The following CACNA1S variants were observed in gnomAD, a reference collection of about 807,000 sequenced individuals.
CACNA1S encodes the protein calcium voltage-gated channel subunit alpha1 S.
CACNA1S carries 126 observed loss-of-function variants against 207.4 expected under a neutral mutation model. That is an observed-to-expected ratio of 0.61 (90% CI 0.53 to 0.70). The LOEUF is 0.70. CACNA1S is among the 30% of genes least tolerant of loss of function. The pLI, the probability that CACNA1S is intolerant of heterozygous loss-of-function variation, is 0.00. For missense variants in CACNA1S, 2,349 were observed against 2,422.8 expected, an observed-to-expected ratio of 0.97 and a Z score of 0.64; for synonymous variants, 960 against 932.7, an observed-to-expected ratio of 1.03 and a Z score of -0.53.
At chr1:201,048,311 C>T (rs984316812) in intron 36 of CACNA1S, among the ~76,000 whole-genome samples, 7 of 152,224 alleles carry the variant, frequency 4.6e-5, no homozygotes, top group Non-Finnish European at 8.8e-5. Flanking sequence ...GCACCCCTGA[C>T]CCCTGTGCCA....
chr1:201,108,266 C>T (rs536742651), intron 2 of CACNA1S, among the ~76,000 whole-genome samples: 1 of 152,196 alleles, frequency 6.6e-6, no homozygotes, highest in South Asian at 2.1e-4. Flanking sequence ...CCACCAGGCC[C>T]CGCTAATTCA....
At chr1:201,086,734 AT>A (rs1450147891) in intron 7 of CACNA1S, among the ~76,000 whole-genome samples, 1 of 152,228 alleles carries the variant, frequency 6.6e-6, no homozygotes, top group Admixed American at 6.5e-5. Context: ...CAAGTAATAC[AT>A]TTGCTTTTTC....
intron 2 of CACNA1S, among the ~76,000 whole-genome samples, chr1:201,096,262 C>T (rs1222265156): frequency 6.6e-6 from 1 of 152,192 alleles, no homozygotes; most frequent in Non-Finnish European, 1.5e-5. Context: ...CCCTGGAGTG[C>T]CTGGAATTAA....
chr1:201,044,690 T>C (rs1047790593), intron 38 of CACNA1S, among the ~76,000 whole-genome samples: 1 of 152,208 alleles, frequency 6.6e-6, no homozygotes, highest in Admixed American at 6.5e-5. Flanking sequence ...CTTGTATTTT[T>C]AGTAGAGATG....
intron 19 of CACNA1S, among the ~76,000 whole-genome samples, chr1:201,068,108 G>T (rs1661311982): frequency 6.6e-6 from 1 of 152,072 alleles, no homozygotes; most frequent in South Asian, 2.1e-4. Flanking sequence ...ATAGGGCAGA[G>T]CTGCCAGGAA....
In CACNA1S at chr1:201,112,254, CG is replaced by C. The variant is rs2102193959; in HGVS notation, c.85del (p.Arg29GlyfsTer6). On this transcript the variant is annotated frameshift_variant, in exon 1 of 44. Transcript: ENST00000362061. LOFTEE classifies it high-confidence loss of function. ...CTCCAGGGTCAGGCAGAACAAGGCC[CG>C]GGGTGGCCTTGGCAGAATCTCAGGA... ...PVPEILPRPP[R>X]ALFCLTLENP... The C allele has an allele frequency of 8.1e-6, 13 of 1,613,972 alleles. No individual in the cohort carries two copies. Among genetic ancestry groups the C allele is most frequent in the South Asian group, 1.1e-5 (1 of 91,072 alleles).
chr1:201,040,727 G>T lies in CACNA1S; in HGVS notation c.5135-14C>A, dbSNP rs762466711. Reference sequence around the variant, plus strand: ...TGCTGTGGGGTCCTGTATGCAAGAAGGGGCAAGGATAAGAGGGGCTGCTGA... The same window carrying T: ...TGCTGTGGGGTCCTGTATGCAAGAATGGGCAAGGATAAGAGGGGCTGCTGA... On this transcript the variant is annotated splice_polypyrimidine_tract_variant and intron_variant, in intron 41 of 43. Coordinates refer to ENST00000362061, the MANE Select transcript of CACNA1S (RefSeq NM_000069.3). The T allele has an allele frequency of 6.2e-7, 1 of 1,609,576 alleles. No homozygotes were observed. Among genetic ancestry groups the T allele is most frequent in the Non-Finnish European group, 8.5e-7 (1 of 1,176,472 alleles).
In CACNA1S at chr1:201,110,336, C is replaced by G. The variant is rs553834741; in HGVS notation, c.153-67G>C. On this transcript the variant is annotated intron_variant, in intron 1 of 43. Coordinates refer to ENST00000362061, the MANE Select transcript of CACNA1S (RefSeq NM_000069.3). ...ACTTACAGGGTTAAGGGGATGAGGG[C>G]GCTGAGGGTCAGTCTGGACTGTGAC... 6 of 1,337,772 alleles carry G rather than the reference C, an allele frequency of 4.5e-6. No homozygotes were observed. In the African/African-American group the frequency reaches 5.8e-5, roughly 13 times the overall value. The allele number at this position is 1,337,772 out of a possible 1,614,324, so 82.9% of individuals were successfully genotyped here.
At chr1:201,042,974 G>A in intron 40 of CACNA1S, 1 of 377,480 alleles carries the variant, frequency 2.6e-6, no homozygotes, top group Non-Finnish European at 5.0e-6. Context: ...TACCACCGAA[G>A]ATCCTCTCCT....
At chr1:201,070,694 C>A (rs1223943229) in intron 16 of CACNA1S, among the ~76,000 whole-genome samples, 1 of 152,140 alleles carries the variant, frequency 6.6e-6, no homozygotes, top group African/African-American at 2.4e-5. Context: ...AAGGCTCGAT[C>A]CACACAGCCT....
rs967320809 is a variant in CACNA1S, at chr1:201,039,659, T to A, written c.*172A>T. ...TGGTGAGGGGCAGGGCCTGTCCAGCTACTTCCTCCGCACTTTTTGAGGTGG... is the reference window on the plus strand; with the variant it reads ...TGGTGAGGGGCAGGGCCTGTCCAGCAACTTCCTCCGCACTTTTTGAGGTGG... On this transcript the variant is annotated 3_prime_UTR_variant, in exon 44 of 44. Transcript: ENST00000362061. 5.2e-6 allele frequency: 4 copies of A among 766,516 alleles called. No homozygotes were observed. The highest frequency in any genetic ancestry group is 5.2e-5 in the African/African-American group (3 of 58,140). The allele number at this position is 766,516 out of a possible 1,614,324, so 47.5% of individuals were successfully genotyped here.
chr1:201,095,829 C>T (rs1183011173), intron 2 of CACNA1S, among the ~76,000 whole-genome samples: 4 of 152,204 alleles, frequency 2.6e-5, no homozygotes, highest in Non-Finnish European at 4.4e-5. Context: ...TTGGCACCCT[C>T]CCTGGCAAGA....
chr1:201,111,373 C>T (rs1387750169), intron 1 of CACNA1S, among the ~76,000 whole-genome samples: 1 of 152,142 alleles, frequency 6.6e-6, no homozygotes, highest in African/African-American at 2.4e-5. Context: ...CCACTTGACA[C>T]AGCCCTCCCC....
intron 18 of CACNA1S, 80 bp from the exon 19 acceptor site, chr1:201,069,276 A>G: frequency 6.8e-7 from 1 of 1,472,150 alleles, no homozygotes; most frequent in Non-Finnish European, 9.5e-7. Context: ...AGCATAAAGC[A>G]GGCAGTCAGA....
At chr1:201,040,158 CCT>C in intron 43 of CACNA1S, 71 bp downstream of exon 43, 1 of 1,611,670 alleles carries the variant, frequency 6.2e-7, no homozygotes, top group Non-Finnish European at 8.5e-7. Flanking sequence ...TTGGCCCTAC[CCT>C]CTCTCCACGC....
intron 22 of CACNA1S, among the ~76,000 whole-genome samples, chr1:201,063,769 C>A: frequency 6.6e-6 from 1 of 152,194 alleles, no homozygotes; most frequent in Non-Finnish European, 1.5e-5. Context: ...CTATCACATG[C>A]CCTTTTTATG....
At chr1:201,111,190 G>A (rs1052045852) in intron 1 of CACNA1S, among the ~76,000 whole-genome samples, 1 of 152,108 alleles carries the variant, frequency 6.6e-6, no homozygotes, top group Non-Finnish European at 1.5e-5. Context: ...CCGAGAGCGG[G>A]TCAGGGGAAC....
rs1047316445 is a variant in CACNA1S, at chr1:201,065,344, C to T, written c.2853+494G>A. On this transcript the variant is annotated intron_variant, in intron 22 of 43. Transcript: ENST00000362061. The stretch of plus-strand genomic sequence containing the variant: ...TATTAGATCTCTTAAAGCTATTAAC[C>T]ATCATTGAAAGATGGCTGTCTCTTA... Among the ~76,000 whole-genome samples, 7 of 152,158 alleles carry T rather than the reference C, an allele frequency of 4.6e-5. 1 individual carries two copies. The highest frequency in any genetic ancestry group is 4.6e-4 in the Admixed American group (7 of 15,280).
chr1:201,102,364 G>A (rs1193336913), intron 2 of CACNA1S, among the ~76,000 whole-genome samples: 2 of 152,182 alleles, frequency 1.3e-5, no homozygotes, highest in East Asian at 1.9e-4. Flanking sequence ...GGTAGGGAAG[G>A]GTACAGGCCG....
Sources: allele counts gnomAD v4.1 joint callset (sites outside exome capture counted in the v4.1 genomes callset), GRCh38; gene constraint gnomAD v4.1.1; transcripts MANE v1.5; gene names NCBI Gene and HGNC (gene_info 2026-07-23, HGNC 2026-07-21).